The following NCOR1 variants were observed in gnomAD, a reference collection of about 807,000 sequenced individuals.
The protein encoded by NCOR1 is nuclear receptor corepressor 1, also known as protein phosphatase 1, regulatory subunit 109.
NCOR1 carries 63 observed loss-of-function variants against 288.1 expected under a neutral mutation model. That is an observed-to-expected ratio of 0.22 (90% CI 0.18 to 0.27). The LOEUF (loss-of-function observed/expected upper bound fraction) is 0.27, where lower values mean the gene tolerates loss of function less well. Among genes scored for constraint, NCOR1 ranks in the 10% least tolerant of loss-of-function variants. NCOR1 has a pLI of 1.00. For synonymous variants in NCOR1, 1,007 were observed against 1,065.9 expected (o/e 0.94, Z 1.08); for missense variants, 2,397 against 3,019.2 (o/e 0.79, Z 4.83).
intron 23 of NCOR1, among the ~76,000 whole-genome samples, chr17:16,085,606 A>G (rs1490340636): frequency 1.3e-5 from 2 of 152,252 alleles, no homozygotes; most frequent in Non-Finnish European, 2.9e-5. Flanking sequence ...AGACAGACAC[A>G]AAAGAGTACA....
rs1184440315 is a variant in NCOR1 at position 16,092,695 on chromosome 17, ATTTTTT to A, written c.2821-643_2821-638del. ...TATATATATATATATATATATATAT[ATTTTTT>A]TTTTTTTTTTTTTTTAAGACATAGT... On this transcript the variant is annotated intron_variant, in intron 21 of 45. Transcript: ENST00000268712. 7.8e-3 allele frequency among the ~76,000 whole-genome samples: 176 copies of A among 22,558 alleles called. 1 individual carries two copies. Among genetic ancestry groups the A allele is most frequent in the East Asian group, 0.013 (4 of 314 alleles). 14.8% of individuals were successfully genotyped at this position (22,558 alleles called of 152,430 possible). A position where few individuals can be genotyped will look rare whatever the true frequency, so the allele number is the denominator to read the frequency against.
intron 42 of NCOR1, 156 bp downstream of exon 42, chr17:16,046,795 G>C (rs2058717182): frequency 3.7e-6 from 3 of 807,796 alleles, no homozygotes; most frequent in Non-Finnish European, 5.6e-6. Context: ...CTCTTCATGG[G>C]CTGGCAGACA....
At chr17:16,155,765 T>A (rs1039060560) in intron 6 of NCOR1, among the ~76,000 whole-genome samples, 1 of 152,164 alleles carries the variant, frequency 6.6e-6, no homozygotes, top group Non-Finnish European at 1.5e-5. Flanking sequence ...ACTTCTGTAA[T>A]TACCCCATTC....
Position 16,029,169 on chromosome 17 carries a change from A to G in NCOR1, c.*3127T>C. The stretch of plus-strand genomic sequence containing the variant: ...GGTTACTGAAAGGTTTTTCATTCCA[A>G]GTTTTATTTATTTATTAATTTTAAA... On this transcript the variant is annotated 3_prime_UTR_variant, in exon 46 of 46. Coordinates refer to ENST00000268712, the MANE Select transcript of NCOR1 (RefSeq NM_006311.4). The G allele has an allele frequency of 2.2e-6, 1 of 453,052 alleles. No homozygotes were observed. Among genetic ancestry groups the G allele is most frequent in the Non-Finnish European group, 4.4e-6 (1 of 226,562 alleles). The allele number at this position is 453,052 out of a possible 1,614,324, so 28.1% of individuals were successfully genotyped here. A position where few individuals can be genotyped will look rare whatever the true frequency, so the allele number is the denominator to read the frequency against.
chr17:16,111,411 G>A (rs2070135939), intron 18 of NCOR1, among the ~76,000 whole-genome samples: 1 of 152,060 alleles, frequency 6.6e-6, no homozygotes, highest in Non-Finnish European at 1.5e-5. Context: ...AGACCAGCCT[G>A]GCCAACATGG....
intron 44 of NCOR1, among the ~76,000 whole-genome samples, chr17:16,035,530 C>CTTTTTTTT (rs966987249): frequency 3.4e-5 from 4 of 118,326 alleles, no homozygotes; most frequent in African/African-American, 9.4e-5. Flanking sequence ...TTCTCTTGTT[C>CTTTTTTTT]TTTTTTTTTT....
chr17:16,186,985 G>T (rs1031420125), intron 2 of NCOR1, among the ~76,000 whole-genome samples: 1 of 152,010 alleles, frequency 6.6e-6, no homozygotes, highest in African/African-American at 2.4e-5. Flanking sequence ...AAACTCATGT[G>T]TTCAATATGA....
chr17:16,032,011 G>GT lies in NCOR1; in HGVS notation c.*284dup. 1 of 392,814 alleles carries GT rather than the reference G, an allele frequency of 2.5e-6. No individual in the cohort carries two copies. Among genetic ancestry groups the GT allele is most frequent in the Non-Finnish European group, 4.5e-6 (1 of 220,374 alleles). The allele number at this position is 392,814 out of a possible 1,614,324, so 24.3% of individuals were successfully genotyped here. A position where few individuals can be genotyped will look rare whatever the true frequency, so the allele number is the denominator to read the frequency against. On this transcript the variant is annotated 3_prime_UTR_variant, in exon 46 of 46. Coordinates refer to ENST00000268712, the MANE Select transcript of NCOR1 (RefSeq NM_006311.4). ...AGACATTATGGTTTTCTTTACAGATGTAAGAACAGCAACTGTTCACTTTTT... is the reference window on the plus strand; with the variant it reads ...AGACATTATGGTTTTCTTTACAGATGTTAAGAACAGCAACTGTTCACTTTTT...
At chr17:16,140,307 AT>A (rs534598030) in intron 11 of NCOR1, among the ~76,000 whole-genome samples, 51 of 152,332 alleles carry the variant, frequency 3.3e-4, no homozygotes, top group Middle Eastern at 6.8e-3. Flanking sequence ...TTTAGAGGTA[AT>A]TTTAAAAGCA....
intron 3 of NCOR1, among the ~76,000 whole-genome samples, chr17:16,172,697 T>C (rs1313013365): frequency 1.3e-5 from 2 of 152,208 alleles, no homozygotes; most frequent in Non-Finnish European, 2.9e-5. Flanking sequence ...CAAAAACATG[T>C]ATTCTGTCTA....
Position 16,091,856 on chromosome 17 carries a change from T to C in NCOR1, c.3016+7A>G, listed in dbSNP as rs760443152. ...AAGTTCTCTTGGTGATAGCTCTATC[T>C]ACCTACCTTCCCACTCTCTGTTTGG... On this transcript the variant is annotated splice_region_variant and intron_variant, in intron 22 of 45. Transcript: ENST00000268712. 3 of 1,614,050 alleles carry C rather than the reference T, an allele frequency of 1.9e-6. No homozygotes were observed. Among genetic ancestry groups the C allele is most frequent in the Non-Finnish European group, 2.5e-6 (3 of 1,180,030 alleles).
intron 42 of NCOR1, among the ~76,000 whole-genome samples, chr17:16,045,461 C>T (rs1477808019): frequency 6.6e-6 from 1 of 152,158 alleles, no homozygotes; most frequent in East Asian, 1.9e-4. Context: ...ACATAGTACG[C>T]TAGATAACCT....
intron 6 of NCOR1, among the ~76,000 whole-genome samples, chr17:16,157,226 A>G (rs1271883495): frequency 1.3e-5 from 2 of 152,138 alleles, no homozygotes; most frequent in Non-Finnish European, 2.9e-5. Context: ...CACAGCCCCC[A>G]TCTTAGGCAT....
At chr17:16,176,999 A>G (rs1449961692) in intron 3 of NCOR1, among the ~76,000 whole-genome samples, 1 of 152,028 alleles carries the variant, frequency 6.6e-6, no homozygotes, top group Non-Finnish European at 1.5e-5. Flanking sequence ...CCTCAAAAAC[A>G]TGTTCTTATA....
Position 16,061,566 on chromosome 17 carries a change from C to T in NCOR1, c.5716G>A (p.Asp1906Asn). The change falls in exon 37 of 46, where the codon GAT (aspartate) becomes AAT (asparagine). Residue 1906 changes from aspartate to asparagine, a missense_variant. Around this residue, in one of 11 missense-constraint regions of NCOR1, gnomAD observed 1,872 missense variants for 2,187.8 expected, o/e 0.86. Transcript: ENST00000268712. ...CTGGATTTTGGAGGAGGCCCTTTATCTTTCCCAGCCTCAGAATAAACTACT... is the reference window on the plus strand; with the variant it reads ...CTGGATTTTGGAGGAGGCCCTTTATTTTTCCCAGCCTCAGAATAAACTACT... ...SSVVYSEAGKDKGPPPKSRYE... is the reference protein window; with the variant it reads ...SSVVYSEAGKNKGPPPKSRYE... 6.2e-7 allele frequency: 1 copy of T among 1,614,186 alleles called. No individual in the cohort carries two copies. The highest frequency in any genetic ancestry group is 8.5e-7 in the Non-Finnish European group (1 of 1,180,028).
At position 16,104,600 on chromosome 17, in the gene NCOR1, A is replaced by C. The variant is rs116596415; in HGVS notation, c.2183-2843T>G. ...AGCTTGGGCCACATAGTAAGACCTCATCTCTACAAAAAAATTAAAAAATTA... is the reference window on the plus strand; with the variant it reads ...AGCTTGGGCCACATAGTAAGACCTCCTCTCTACAAAAAAATTAAAAAATTA... On this transcript the variant is annotated intron_variant, in intron 19 of 45. Coordinates refer to ENST00000268712, the MANE Select transcript of NCOR1 (RefSeq NM_006311.4). Among the ~76,000 whole-genome samples the C allele has an allele frequency of 5.5e-3, 843 of 152,300 alleles. 8 individuals carry two copies. Among genetic ancestry groups the C allele is most frequent in the African/African-American group, 0.019 (801 of 41,584 alleles).
At chr17:16,087,049 A>C in intron 22 of NCOR1, 3 of 689,704 alleles carry the variant, frequency 4.3e-6, no homozygotes, top group Non-Finnish European at 6.3e-6. Flanking sequence ...CAGAGAAACA[A>C]AGTCATTCTG....
chr17:16,202,213 G>T (rs1460214941), intron 1 of NCOR1, among the ~76,000 whole-genome samples: 1 of 131,250 alleles, frequency 7.6e-6, no homozygotes, highest in East Asian at 2.1e-4. Context: ...AAAAGGGCGA[G>T]ACTCCATCTC....
intron 40 of NCOR1, among the ~76,000 whole-genome samples, chr17:16,055,144 T>C (rs2152526566): frequency 1.3e-5 from 2 of 152,308 alleles, no homozygotes; most frequent in Middle Eastern, 3.4e-3. Context: ...AATGCAGAAC[T>C]ACCACTCAAC....
Sources: allele counts gnomAD v4.1 joint callset (sites outside exome capture counted in the v4.1 genomes callset), GRCh38; gene constraint gnomAD v4.1.1; regional missense constraint gnomAD v4.1.1; transcripts MANE v1.5; gene names NCBI Gene and HGNC (gene_info 2026-07-23, HGNC 2026-07-21).